The following ATP9A variants were observed in gnomAD, a reference collection of about 807,000 sequenced individuals.
ATP9A encodes ATPase phospholipid transporting 9A.
ATP9A carries 52 observed loss-of-function variants against 144.1 expected under a neutral mutation model. That is an observed-to-expected ratio of 0.36 (90% CI 0.29 to 0.45). ATP9A has a LOEUF of 0.45. Among genes scored for constraint, ATP9A ranks in the 20% least tolerant of loss-of-function variants. The pLI, the probability that ATP9A is intolerant of heterozygous loss-of-function variation, is 1.00. For missense variants in ATP9A, 947 were observed against 1,392.7 expected (o/e 0.68, Z 5.09); for synonymous variants, 582 against 557.4 (o/e 1.04, Z -0.62).
chr20:51,704,384 GTT>G (rs5841859), intron 4 of ATP9A, among the ~76,000 whole-genome samples: 8 of 148,244 alleles, frequency 5.4e-5, no homozygotes, highest in Non-Finnish European at 7.5e-5. Context: ...GTGTTTTGTT[GTT>G]TTTTTTTTTA....
intron 1 of ATP9A, among the ~76,000 whole-genome samples, chr20:51,765,314 A>G (rs1233920059): frequency 1.3e-5 from 2 of 152,156 alleles, no homozygotes; most frequent in African/African-American, 2.4e-5. Flanking sequence ...ACGCAAATGC[A>G]CAGCAACCCT....
chr20:51,650,585 G>A (rs1192181626), intron 14 of ATP9A, among the ~76,000 whole-genome samples: 2 of 151,826 alleles, frequency 1.3e-5, no homozygotes, highest in Non-Finnish European at 2.9e-5. Flanking sequence ...TGAAGCGTGA[G>A]GGTAATTCTA....
intron 3 of ATP9A, among the ~76,000 whole-genome samples, chr20:51,725,523 G>A (rs1414647477): frequency 1.3e-5 from 2 of 152,190 alleles, no homozygotes; most frequent in African/African-American, 2.4e-5. Flanking sequence ...TGTGTTCCCA[G>A]AGTCTAGACT....
chr20:51,669,293 G>A (rs978192396), intron 13 of ATP9A, among the ~76,000 whole-genome samples: 5 of 152,178 alleles, frequency 3.3e-5, no homozygotes, highest in African/African-American at 4.8e-5. Context: ...AGCCAAGATG[G>A]GGACCCACCG....
intron 4 of ATP9A, among the ~76,000 whole-genome samples, chr20:51,712,093 G>A (rs13339924): frequency 5.6e-4 from 74 of 131,936 alleles, no homozygotes; most frequent in African/African-American, 2.1e-3. Context: ...TTTTTTTTGA[G>A]ATGGAGTCTC....
chr20:51,721,815 AG>A (rs1256044681), intron 3 of ATP9A, among the ~76,000 whole-genome samples: 56 of 149,342 alleles, frequency 3.7e-4, no homozygotes, highest in African/African-American at 1.2e-3. Flanking sequence ...AAAAAAAAAA[AG>A]AAAAAGAAAA....
intron 22 of ATP9A, among the ~76,000 whole-genome samples, chr20:51,615,598 T>C (rs1163941613): frequency 2.0e-5 from 3 of 152,236 alleles, no homozygotes; most frequent in Non-Finnish European, 4.4e-5. Flanking sequence ...TTTGATGCAG[T>C]TACCTAAAAG....
At chr20:51,754,378 C>G (rs1033393335) in intron 1 of ATP9A, among the ~76,000 whole-genome samples, 16 of 152,172 alleles carry the variant, frequency 1.1e-4, no homozygotes, top group African/African-American at 3.4e-4. Context: ...TGGTGCATGC[C>G]TGTAATCCCA....
At chr20:51,629,114 A>G in intron 15 of ATP9A, 42 bp from the exon 16 acceptor site, 1 of 1,513,898 alleles carries the variant, frequency 6.6e-7, no homozygotes, top group Non-Finnish European at 9.2e-7. Flanking sequence ...TGAAAGGAAC[A>G]CCCTCTTTCA....
chr20:51,688,273 C>T (rs1249644770), intron 9 of ATP9A, among the ~76,000 whole-genome samples: 2 of 152,156 alleles, frequency 1.3e-5, no homozygotes, highest in East Asian at 1.9e-4. Context: ...CCCATGCAGT[C>T]CTGATCAGTG....
Position 51,625,962 on chromosome 20 carries a change from A to T in ATP9A, c.1846-600T>A, listed in dbSNP as rs551633022. ...TAAATAATGGCTTACAAAGAACTCAAATATATTAAAGAGAGATCCAGGCAG... is the reference window on the plus strand; with the variant it reads ...TAAATAATGGCTTACAAAGAACTCATATATATTAAAGAGAGATCCAGGCAG... On this transcript the variant is annotated intron_variant, in intron 17 of 27. Coordinates refer to ENST00000338821, the MANE Select transcript of ATP9A (RefSeq NM_006045.3). Among the ~76,000 whole-genome samples the T allele has an allele frequency of 3.3e-5, 5 of 152,338 alleles. No individual in the cohort carries two copies. The South Asian group carries it at 1.0e-3, about 32-fold the overall frequency.
chr20:51,743,617 C>T (rs975807746), intron 1 of ATP9A, among the ~76,000 whole-genome samples: 1 of 147,496 alleles, frequency 6.8e-6, no homozygotes, highest in African/African-American at 2.5e-5. Flanking sequence ...TCAGGCTGGT[C>T]TGGTCTTGAA....
chr20:51,756,222 C>T (rs1046205214), intron 1 of ATP9A, among the ~76,000 whole-genome samples: 1 of 151,894 alleles, frequency 6.6e-6, no homozygotes, highest in African/African-American at 2.4e-5. Flanking sequence ...CCTTGGCTTG[C>T]AGACAGCCAC....
At chr20:51,718,988 C>A (rs191966393) in intron 3 of ATP9A, among the ~76,000 whole-genome samples, 1 of 151,350 alleles carries the variant, frequency 6.6e-6, no homozygotes, top group East Asian at 2.0e-4. Flanking sequence ...ATTAGCTGGG[C>A]GTGGTGGTGC....
chr20:51,718,746 C>T (rs1601124536), intron 3 of ATP9A, among the ~76,000 whole-genome samples: 2 of 135,032 alleles, frequency 1.5e-5, no homozygotes, highest in South Asian at 5.1e-4. Context: ...GCCTGGGAAG[C>T]GGAGGTTGCA....
chr20:51,690,067 G>A (rs975315289), intron 8 of ATP9A, among the ~76,000 whole-genome samples: 9 of 137,088 alleles, frequency 6.6e-5, no homozygotes, highest in Non-Finnish European at 9.1e-5. Flanking sequence ...AGCCGAGATC[G>A]CGCCACTGCA....
chr20:51,736,934 C>A (rs1466071328), intron 1 of ATP9A, among the ~76,000 whole-genome samples: 1 of 152,076 alleles, frequency 6.6e-6, no homozygotes, highest in Admixed American at 6.6e-5. Context: ...TAGAAATGCA[C>A]AATCTCTAAA....
intron 18 of ATP9A, among the ~76,000 whole-genome samples, chr20:51,624,130 G>A (rs549815337): frequency 4.6e-5 from 7 of 152,356 alleles, no homozygotes; most frequent in East Asian, 1.9e-4. Flanking sequence ...GCAAGGTCCC[G>A]TTGGTGATTT....
chr20:51,610,938 GA>G (rs2077182828), intron 23 of ATP9A, among the ~76,000 whole-genome samples: 1 of 152,168 alleles, frequency 6.6e-6, no homozygotes, highest in South Asian at 2.1e-4. Context: ...TCCTGCTTTG[GA>G]AAATATTAGC....
Sources: allele counts gnomAD v4.1 joint callset (sites outside exome capture counted in the v4.1 genomes callset), GRCh38; gene constraint gnomAD v4.1.1; transcripts MANE v1.5; gene names NCBI Gene and HGNC (gene_info 2026-07-23, HGNC 2026-07-21).